Variants in PLEKHG4 observed in about 807,000 individuals in gnomAD.
PLEKHG4 encodes the protein pleckstrin homology and RhoGEF domain containing G4.
Under a neutral mutation model 136.9 loss-of-function variants are expected in PLEKHG4, and 85 were observed. The ratio of observed to expected loss-of-function variants is 0.62; its 90% confidence interval spans 0.52 to 0.74. PLEKHG4 has a LOEUF of 0.74. Ranked by LOEUF, PLEKHG4 falls within the 30% of genes least tolerant of loss-of-function variation. PLEKHG4 has a pLI of 0.00. For missense variants in PLEKHG4, 1,317 were observed against 1,527.8 expected (o/e 0.86, Z 2.30); for synonymous variants, 577 against 646.9 (o/e 0.89, Z 1.64).
chr16:67,288,304 C>G lies in PLEKHG4; in HGVS notation c.3358C>G (p.Pro1120Ala), dbSNP rs1388322747. The change falls in exon 20 of 22, where the codon CCA becomes GCA. Residue 1120 changes from proline (P) to alanine (A), a missense_variant. Coordinates refer to ENST00000379344, the MANE Select transcript of PLEKHG4 (RefSeq NM_001129729.3). ...GSLNLHLYRD[P>A]ALLGLRCPLY... ...CCTCAACCTGCACCTGTACAGAGAC[C>G]CAGCTCTTCTGGGTCTCCGCTGTCC... The G allele has an allele frequency of 1.2e-6, 2 of 1,612,638 alleles. No homozygotes were observed. Among genetic ancestry groups the G allele is most frequent in the Admixed American group, 3.3e-5 (2 of 60,008 alleles).
Position 67,280,407 on chromosome 16 carries a change from C to T in PLEKHG4, c.363C>T (p.Asp121=), listed in dbSNP as rs1204486027. ...SHLSLAQGES[D]TPGVGLVGDP... ...TCAGCTTGGCACAGGGTGAGAGTGACACCCCAGGGGTAGGGTTGGTAGGGG... is the reference window on the plus strand; with the variant it reads ...TCAGCTTGGCACAGGGTGAGAGTGATACCCCAGGGGTAGGGTTGGTAGGGG... The change falls in exon 2 of 22, where the codon GAC becomes GAT. Residue 121 remains aspartate (D), a synonymous_variant. Coordinates refer to ENST00000379344, the MANE Select transcript of PLEKHG4 (RefSeq NM_001129729.3). The surrounding 1 kb of genome is among the most constrained non-coding windows in gnomAD (Gnocchi z 4.4). 5 of 1,607,450 alleles carry T rather than the reference C, an allele frequency of 3.1e-6. No individual in the cohort carries two copies. In the South Asian group the frequency reaches 5.5e-5, roughly 18 times the overall value.
upstream of PLEKHG4, chr16:67,278,092 GAGC>G (rs2036057519): frequency 6.6e-6 from 1 of 152,416 alleles, no homozygotes; most frequent in Non-Finnish European, 1.5e-5. Flanking sequence ...GGGAGGGAGG[GAGC>G]AGAAGGCAGT....
In PLEKHG4 at chr16:67,285,172, A is replaced by G; in HGVS notation, c.2152A>G (p.Thr718Ala). ...AGGTGCCCTGCCCCAGGCATCCCCT[A>G]CTGTGCCTCCACCAGGCAGCTCTGA... The part of the protein sequence containing the change: ...GGGALPQASP[T>A]VPPPGSSDPR... The change falls in exon 13 of 22, where the codon ACT becomes GCT. Residue 718 changes from threonine to alanine, a missense_variant. Coordinates refer to ENST00000379344, the MANE Select transcript of PLEKHG4 (RefSeq NM_001129729.3). The G allele has an allele frequency of 6.2e-7, 1 of 1,613,508 alleles. No individual in the cohort carries two copies. The highest frequency in any genetic ancestry group is 1.1e-5 in the South Asian group (1 of 91,084).
intron 5 of PLEKHG4, 35 bp downstream of exon 5, chr16:67,281,219 T>C: frequency 7.2e-7 from 1 of 1,390,334 alleles, no homozygotes; most frequent in South Asian, 1.2e-5. Flanking sequence ...TCATTCCTTT[T>C]CTTTTCTTTT....
chr16:67,282,460 G>A, intron 9 of PLEKHG4, 43 bp from the exon 10 acceptor site: 3 of 1,613,822 alleles, frequency 1.9e-6, no homozygotes, highest in Non-Finnish European at 2.5e-6. Context: ...ACAGGGTGGA[G>A]TGGTGCAAGG....
intron 6 of PLEKHG4, 26 bp downstream of exon 6, chr16:67,281,670 A>G (rs1252975772): frequency 4.3e-6 from 7 of 1,612,558 alleles, no homozygotes; most frequent in Non-Finnish European, 5.1e-6. Context: ...GGCTAGGGGT[A>G]GAGGTGGGGT....
intron 5 of PLEKHG4, 37 bp from the exon 6 acceptor site, chr16:67,281,530 A>C: frequency 7.0e-6 from 11 of 1,561,052 alleles, no homozygotes; most frequent in African/African-American, 4.1e-5. Context: ...CCTTTTCTGT[A>C]GAGTTGGGGA....
Position 67,284,636 on chromosome 16 carries a change from G to T in PLEKHG4, c.1693-77G>T. On this transcript the variant is annotated intron_variant, in intron 12 of 21. Coordinates refer to ENST00000379344, the MANE Select transcript of PLEKHG4 (RefSeq NM_001129729.3). This position sits in a 1 kb window ranked among gnomAD's most constrained non-coding sequence, Gnocchi z 4.4. ...CTGGACAGCATCCTGTGGGGATGGGGAGTGGGTAGAGGAGCAGAGTGCCCA... is the reference window on the plus strand; with the variant it reads ...CTGGACAGCATCCTGTGGGGATGGGTAGTGGGTAGAGGAGCAGAGTGCCCA... 6.4e-7 allele frequency: 1 copy of T among 1,558,306 alleles called. No individual in the cohort carries two copies. The highest frequency in any genetic ancestry group is 1.1e-5 in the South Asian group (1 of 87,984).
Position 67,280,355 on chromosome 16 carries a change from G to C in PLEKHG4, c.311G>C (p.Ser104Thr), listed in dbSNP as rs144064162. Residue 104 changes from serine to threonine, a missense_variant, in exon 2 of 22, where the codon AGT (serine) becomes ACT (threonine). Physicochemically the swap from Ser to Thr is moderately conservative, Grantham distance 58. Coordinates refer to ENST00000379344, the MANE Select transcript of PLEKHG4 (RefSeq NM_001129729.3). The surrounding 1 kb of genome is among the most constrained non-coding windows in gnomAD (Gnocchi z 4.4). ...SEGPGPSGVE[S>T]LLCPMSSHLS... ...GGGCCAGGCCCCTCTGGAGTGGAGA[G>C]TCTCCTATGCCCCATGTCCTCCCAC... 1,443 of 1,613,606 alleles carry C rather than the reference G, an allele frequency of 8.9e-4. 14 individuals carry two copies. The African/African-American group carries it at 0.018, about 20-fold the overall frequency.
At chr16:67,281,225 C>CTTTTT (rs543438570) in intron 5 of PLEKHG4, 41 bp downstream of exon 5, 28 of 1,096,410 alleles carry the variant, frequency 2.6e-5, no homozygotes, top group East Asian at 5.1e-5. Flanking sequence ...CTTTTCTTTT[C>CTTTTT]TTTTTTTTTT....
At chr16:67,287,823 T>TA (rs1351996623) in intron 18 of PLEKHG4, 75 bp from the exon 19 acceptor site, 4 of 944,414 alleles carry the variant, frequency 4.2e-6, no homozygotes, top group Non-Finnish European at 7.0e-6. Context: ...AGGAAAGACT[T>TA]ATCTGGGGGG....
Position 67,281,834 on chromosome 16 carries a change from A to AAGGGTC in PLEKHG4, c.1005_1005+5dup. 6.2e-7 allele frequency: 1 copy of AAGGGTC among 1,611,924 alleles called. No individual in the cohort carries two copies. Among genetic ancestry groups the AAGGGTC allele is most frequent in the Non-Finnish European group, 8.5e-7 (1 of 1,179,240 alleles). ...GCCACCAGGCCTGGCTGGATTTCCG[A>AAGGGTC]AGGGTCAGTACACTGGGTGGGGCAT... On this transcript the variant is annotated inframe_insertion, in exon 7 of 22. Coordinates refer to ENST00000379344, the MANE Select transcript of PLEKHG4 (RefSeq NM_001129729.3).
chr16:67,283,061 C>G (rs575947102), intron 11 of PLEKHG4, among the ~76,000 whole-genome samples: 5 of 152,214 alleles, frequency 3.3e-5, no homozygotes, highest in African/African-American at 1.2e-4. Context: ...GCAGGTGATT[C>G]TGCCTGAGGG....
At position 67,285,088 on chromosome 16, in the gene PLEKHG4, G is replaced by A; in HGVS notation, c.2068G>A (p.Ala690Thr). The A allele has an allele frequency of 6.2e-7, 1 of 1,613,242 alleles. No individual in the cohort carries two copies. ...RNLGQSLSEP[A>T]CHCHHAATIA... Reference sequence around the variant, plus strand: ...TCTGGGGCAGAGTCTCAGTGAACCTGCCTGCCACTGCCACCATGCGGCCAC... The same window carrying A: ...TCTGGGGCAGAGTCTCAGTGAACCTACCTGCCACTGCCACCATGCGGCCAC... The change falls in exon 13 of 22, where the codon GCC (alanine) becomes ACC (threonine). Residue 690 changes from alanine to threonine, a missense_variant. Coordinates refer to ENST00000379344, the MANE Select transcript of PLEKHG4 (RefSeq NM_001129729.3).
chr16:67,285,247 T>G, intron 13 of PLEKHG4, 32 bp downstream of exon 13: 1 of 1,613,582 alleles, frequency 6.2e-7, no homozygotes, highest in Non-Finnish European at 8.5e-7. Flanking sequence ...GGGAGGGCAG[T>G]AAAGGAGAGA....
chr16:67,279,862 T>C lies in PLEKHG4; in HGVS notation c.-169-14T>C, dbSNP rs1597374634. On this transcript the variant is annotated splice_polypyrimidine_tract_variant and intron_variant, in intron 1 of 21. Transcript: ENST00000379344. Reference sequence around the variant, plus strand: ...GGACAGAGGGACACCCTTAACGTTATTCCCTCTTCCCAGGCCTGAATTGCA... The same window carrying C: ...GGACAGAGGGACACCCTTAACGTTACTCCCTCTTCCCAGGCCTGAATTGCA... The C allele has an allele frequency of 1.6e-6, 1 of 628,084 alleles. No individual in the cohort carries two copies. Among genetic ancestry groups the C allele is most frequent in the East Asian group, 2.8e-5 (1 of 36,346 alleles). 38.9% of individuals were successfully genotyped at this position (628,084 alleles called of 1,614,324 possible).
rs765398995 is a variant in PLEKHG4 at position 67,280,740 on chromosome 16, G to T, written c.529G>T (p.Ala177Ser). Residue 177 changes from alanine (A) to serine (S), a missense_variant, in exon 3 of 22, where the codon GCT (alanine) becomes TCT (serine). Ala to Ser is a moderately conservative substitution (Grantham distance 99, BLOSUM62 1). Transcript: ENST00000379344. This position sits in a 1 kb window ranked among gnomAD's most constrained non-coding sequence, Gnocchi z 4.4. The part of the protein sequence containing the change: ...APSGSGLPKP[A>S]DCLLAQDLCW... ...CAGTGGATCCGGCCTCCCTAAGCCT[G>T]CTGACTGCCTCCTGGCCCAAGACCT... The T allele has an allele frequency of 6.2e-7, 1 of 1,614,012 alleles. No homozygotes were observed. Among genetic ancestry groups the T allele is most frequent in the African/African-American group, 1.3e-5 (1 of 74,942 alleles).
chr16:67,281,651 A>G lies in PLEKHG4; in HGVS notation c.891+7A>G. 6.2e-7 allele frequency: 1 copy of G among 1,613,998 alleles called. No individual in the cohort carries two copies. Among genetic ancestry groups the G allele is most frequent in the Non-Finnish European group, 8.5e-7 (1 of 1,179,904 alleles). ...AGTGCCTTCCGGGCTGCAGGTACTAAGCCCAGTTGGCTAGGGGTAGAGGTG... is the reference window on the plus strand; with the variant it reads ...AGTGCCTTCCGGGCTGCAGGTACTAGGCCCAGTTGGCTAGGGGTAGAGGTG... On this transcript the variant is annotated splice_region_variant and intron_variant, in intron 6 of 21. Transcript: ENST00000379344.
Position 67,285,210 on chromosome 16 carries a change from C to T in PLEKHG4, c.2190C>T (p.Leu730=), listed in dbSNP as rs371087583. The stretch of plus-strand genomic sequence containing the variant: ...CAGGCAGCTCTGACCCCAGGAGCCT[C>T]AACAGGTATGGGCAGTAGGCAGGGC... ...PPPGSSDPRS[L]NRLQLVLAEM... is the part of the protein sequence containing the mutation. The change falls in exon 13 of 22, where the codon CTC becomes CTT. Residue 730 remains leucine (L), a synonymous_variant. Coordinates refer to ENST00000379344, the MANE Select transcript of PLEKHG4 (RefSeq NM_001129729.3). 1.9e-6 allele frequency: 3 copies of T among 1,613,628 alleles called. No individual in the cohort carries two copies. The highest frequency in any genetic ancestry group is 1.3e-5 in the African/African-American group (1 of 74,926).
Sources: gnomAD v4.1 joint callset for allele counts (sites outside exome capture counted in the v4.1 genomes callset) on GRCh38, gnomAD v4.1.1 for gene constraint, Gnocchi (gnomAD v3.1) non-coding constraint, MANE v1.5 for transcripts, NCBI Gene and HGNC (gene_info 2026-07-23, HGNC 2026-07-21) for gene names.